PPFIA1: variants seen among roughly 807,000 people sequenced by gnomAD.
PPFIA1 encodes the protein liprin-alpha-1.
Under a neutral mutation model 149.9 loss-of-function variants are expected in PPFIA1, and 25 were observed. That is an observed-to-expected ratio of 0.17 (90% confidence interval 0.12 to 0.23). The LOEUF (loss-of-function observed/expected upper bound fraction) is 0.23. Ranked by LOEUF, PPFIA1 falls within the 10% of genes least tolerant of loss-of-function variation. The probability of loss-of-function intolerance (pLI) is 1.00; values close to 1 mark genes in which losing one functional copy is unlikely to be tolerated. For synonymous variants in PPFIA1, 549 were observed against 552.8 expected, an observed-to-expected ratio of 0.99 and a Z score of 0.10; for missense variants, 1,362 against 1,506.5, an observed-to-expected ratio of 0.90 and a Z score of 1.59.
At chr11:70,323,509 G>A (rs1434085328) in intron 2 of PPFIA1, among the ~76,000 whole-genome samples, 1 of 152,148 alleles carries the variant, frequency 6.6e-6, no homozygotes. Context: ...AGCTGGGGTG[G>A]GGTGGAACTG....
chr11:70,271,737 A>T lies in PPFIA1; in HGVS notation c.1-436A>T, dbSNP rs564447425. 2.4e-3 allele frequency among the ~76,000 whole-genome samples: 366 copies of T among 152,098 alleles called. 1 individual carries two copies. Among genetic ancestry groups the T allele is most frequent in the African/African-American group, 8.5e-3 (351 of 41,468 alleles). ...TGTACTTGTCAGTTTTGCTGGTTGT[A>T]TGCTCCTTCTGTGCTTTTCCTGAAA... On this transcript the variant is annotated intron_variant, in intron 1 of 27. Coordinates refer to ENST00000253925, the MANE Select transcript of PPFIA1 (RefSeq NM_003626.5).
chr11:70,332,439 G>A (rs372025596), intron 9 of PPFIA1, among the ~76,000 whole-genome samples: 11 of 152,088 alleles, frequency 7.2e-5, no homozygotes, highest in East Asian at 5.8e-4. Context: ...GGAAGATGCC[G>A]TTCTTTTAAA....
Position 70,355,656 on chromosome 11 carries a change from A to G in PPFIA1, c.2333A>G (p.Asp778Gly), listed in dbSNP as rs746570763. ...RDIRNSTGSQ[D>G]GPVSNPSSSN... is the part of the protein sequence containing the mutation. Reference sequence around the variant, plus strand: ...CCTCGAAGCTCCACAGGCTCCCAGGATGGTCCCGTGAGCAACCCCAGCAGT... The same window carrying G: ...CCTCGAAGCTCCACAGGCTCCCAGGGTGGTCCCGTGAGCAACCCCAGCAGT... Residue 778 changes from aspartate to glycine, a missense_variant, in exon 18 of 28, where the codon GAT becomes GGT. Coordinates refer to ENST00000253925, the MANE Select transcript of PPFIA1 (RefSeq NM_003626.5). The G allele has an allele frequency of 2.5e-6, 4 of 1,609,136 alleles. No individual in the cohort carries two copies. The highest frequency in any genetic ancestry group is 2.7e-5 in the African/African-American group (2 of 74,470).
intron 21 of PPFIA1, chr11:70,367,651 C>G (rs1591365227): frequency 2.2e-6 from 1 of 454,280 alleles, no homozygotes; most frequent in East Asian, 6.9e-5. Flanking sequence ...TGGGATGGAG[C>G]CTGATCCTTC....
At chr11:70,348,148 T>G (rs1391265149) in intron 15 of PPFIA1, 41 bp from the exon 16 acceptor site, 3 of 1,578,980 alleles carry the variant, frequency 1.9e-6, no homozygotes, top group Non-Finnish European at 2.6e-6. Context: ...ATTAATCTGT[T>G]TGCCGAAACA....
Position 70,379,643 on chromosome 11 carries a change from C to T in PPFIA1, c.3550+1448C>T, listed in dbSNP as rs1290101437. ...AAAAAAATAATAATTGAAAACTGTG[C>T]GAATGGGGTTTTTGCCAATTTTTTT... On this transcript the variant is annotated intron_variant, in intron 26 of 27. Coordinates refer to ENST00000253925, the MANE Select transcript of PPFIA1 (RefSeq NM_003626.5). 2.6e-5 allele frequency among the ~76,000 whole-genome samples: 4 copies of T among 151,410 alleles called. No individual in the cohort carries two copies. In the South Asian group the frequency reaches 6.3e-4, roughly 24 times the overall value.
intron 16 of PPFIA1, among the ~76,000 whole-genome samples, chr11:70,349,471 A>T (rs1015228003): frequency 1.1e-3 from 166 of 151,640 alleles, no homozygotes; most frequent in African/African-American, 3.9e-3. Flanking sequence ...ATCTTTATCT[A>T]AAAAAAAACC....
chr11:70,297,071 C>T (rs911250086), intron 2 of PPFIA1, among the ~76,000 whole-genome samples: 1 of 152,138 alleles, frequency 6.6e-6, no homozygotes, highest in South Asian at 2.1e-4. Context: ...GCAAAGAATG[C>T]TTTTCCCTGT....
chr11:70,326,866 G>T (rs776321472), intron 7 of PPFIA1, 48 bp downstream of exon 7: 4 of 1,504,062 alleles, frequency 2.7e-6, no homozygotes, highest in Non-Finnish European at 3.7e-6. Flanking sequence ...TGTATGTTTG[G>T]GACGTTTTAG....
In PPFIA1 at chr11:70,309,579, A is replaced by G. The variant is rs1297664715; in HGVS notation, c.265-14823A>G. On this transcript the variant is annotated intron_variant, in intron 2 of 27. Transcript: ENST00000253925. ...TTTGGTTTGCTCTTAGCAGAATGAT[A>G]AAAGTACAGGAAGCAAAACTTAGAA... Among the ~76,000 whole-genome samples the G allele has an allele frequency of 1.3e-5, 2 of 152,184 alleles. 1 individual carries two copies.
In PPFIA1 at chr11:70,383,172, A is replaced by C. The variant is rs1010548676; in HGVS notation, c.*182A>C. 2.1e-5 allele frequency: 7 copies of C among 340,072 alleles called. No individual in the cohort carries two copies. The highest frequency in any genetic ancestry group is 3.8e-5 in the Non-Finnish European group (7 of 181,948). 21.1% of individuals were successfully genotyped at this position (340,072 alleles called of 1,614,324 possible). ...AAAATTCATGAATACCATAGAGAAA[A>C]TATTTTAGAATTTAATGTTTCTTAT... On this transcript the variant is annotated 3_prime_UTR_variant, in exon 28 of 28. Transcript: ENST00000253925.
intron 21 of PPFIA1, chr11:70,366,047 T>A (rs2056918614): frequency 2.3e-6 from 1 of 438,454 alleles, no homozygotes; most frequent in Admixed American, 2.7e-5. Flanking sequence ...TTGTGTAATC[T>A]ACTTTTTTTG....
rs992982596 is a variant in PPFIA1 at position 70,383,289 on chromosome 11, T to C, written c.*299T>C. The C allele has an allele frequency of 1.2e-5, 3 of 254,828 alleles. No homozygotes were observed. Among genetic ancestry groups the C allele is most frequent in the Non-Finnish European group, 2.2e-5 (3 of 133,826 alleles). 15.8% of individuals were successfully genotyped at this position (254,828 alleles called of 1,614,324 possible). A position where few individuals can be genotyped will look rare whatever the true frequency, so the allele number is the denominator to read the frequency against. On this transcript the variant is annotated 3_prime_UTR_variant, in exon 28 of 28. Transcript: ENST00000253925. ...AATATCCTTTCAAATCATGTTCTTA[T>C]ACCTAATTTTAGTCTTTCAAATGAA...
rs777535261 is a variant in PPFIA1 at position 70,376,516 on chromosome 11, TC to T, written c.3316-15del. ...ATTTGATGAAAGTTTTATTTGTTTTTCTTTGGTTATTTCAGGCTCGTGCTGT... is the reference window on the plus strand; with the variant it reads ...ATTTGATGAAAGTTTTATTTGTTTTTTTTGGTTATTTCAGGCTCGTGCTGT... On this transcript the variant is annotated splice_polypyrimidine_tract_variant and intron_variant, in intron 24 of 27. Coordinates refer to ENST00000253925, the MANE Select transcript of PPFIA1 (RefSeq NM_003626.5). 6.2e-7 allele frequency: 1 copy of T among 1,607,132 alleles called. No homozygotes were observed. The highest frequency in any genetic ancestry group is 8.5e-7 in the Non-Finnish European group (1 of 1,173,758).
intron 21 of PPFIA1, chr11:70,365,924 T>TA: frequency 2.2e-6 from 1 of 456,630 alleles, no homozygotes. Flanking sequence ...TTTGCATTCC[T>TA]AACCACGTAA....
At chr11:70,321,007 TG>T (rs2053907463) in intron 2 of PPFIA1, among the ~76,000 whole-genome samples, 1 of 152,210 alleles carries the variant, frequency 6.6e-6, no homozygotes, top group Non-Finnish European at 1.5e-5. Context: ...ACTAGTGCTA[TG>T]GGCTGAATAC....
In PPFIA1 at chr11:70,378,215, AACC is replaced by A; in HGVS notation, c.3550+21_3550+23del. 2.5e-6 allele frequency: 4 copies of A among 1,603,982 alleles called. No homozygotes were observed. Among genetic ancestry groups the A allele is most frequent in the Non-Finnish European group, 3.4e-6 (4 of 1,173,308 alleles). ...TGGACGGTATGTGATGGGTCACACT[AACC>A]TGTCACTTGTTGGGAGCATGAGCAG... On this transcript the variant is annotated intron_variant, in intron 26 of 27. Coordinates refer to ENST00000253925, the MANE Select transcript of PPFIA1 (RefSeq NM_003626.5).
intron 15 of PPFIA1, 56 bp downstream of exon 15, chr11:70,343,948 C>A: frequency 1.4e-6 from 2 of 1,467,680 alleles, no homozygotes; most frequent in East Asian, 2.4e-5. Context: ...TGAGGAATCT[C>A]ATCTTGCCTG....
At chr11:70,338,518 T>C (rs1428265365) in intron 13 of PPFIA1, 65 bp downstream of exon 13, 2 of 1,359,118 alleles carry the variant, frequency 1.5e-6, no homozygotes, top group East Asian at 2.3e-5. Context: ...CTTGGCTATG[T>C]GGGCAGCCTA....
Sources: gnomAD v4.1 joint callset for allele counts (sites outside exome capture counted in the v4.1 genomes callset) on GRCh38, gnomAD v4.1.1 for gene constraint, MANE v1.5 for transcripts, NCBI Gene and HGNC (gene_info 2026-07-23, HGNC 2026-07-21) for gene names.